Variants in GALNT13 observed in about 807,000 individuals in gnomAD.
GALNT13 encodes UDP-GalNAc:polypeptide N-acetylgalactosaminyltransferase 13.
Under a neutral mutation model 64.2 loss-of-function variants are expected in GALNT13, and 28 were observed. That is an observed-to-expected ratio of 0.44 (90% CI 0.32 to 0.60). GALNT13 has a LOEUF of 0.60. GALNT13 is among the 20% of genes least tolerant of loss of function. The pLI, the probability that GALNT13 is intolerant of heterozygous loss-of-function variation, is 0.05. For synonymous variants in GALNT13, 214 were observed against 224.6 expected, an observed-to-expected ratio of 0.95 and a Z score of 0.42; for missense variants, 577 against 669.8, an observed-to-expected ratio of 0.86 and a Z score of 1.53.
At chr2:153,808,926 C>T in the GALNT13 span, among the ~76,000 whole-genome samples, 1 of 152,226 alleles carries the variant, frequency 6.6e-6, no homozygotes, top group Admixed American at 6.5e-5. Context: ...TCTGTGCATA[C>T]ACCTGAATAT....
At chr2:153,219,961 C>G in the GALNT13 span, among the ~76,000 whole-genome samples, 1 of 152,208 alleles carries the variant, frequency 6.6e-6, no homozygotes, top group Non-Finnish European at 1.5e-5. Flanking sequence ...TCTGTTCTAA[C>G]ACTAGTTTTA....
chr2:153,491,651 C>T, the GALNT13 span, among the ~76,000 whole-genome samples: 2 of 151,754 alleles, frequency 1.3e-5, no homozygotes, highest in African/African-American at 4.8e-5. Flanking sequence ...GACGGAGTCT[C>T]GCTCTATTGC....
chr2:154,207,294 C>T (rs1055188282), intron 4 of GALNT13, among the ~76,000 whole-genome samples: 1 of 152,194 alleles, frequency 6.6e-6, no homozygotes, highest in Non-Finnish European at 1.5e-5. Context: ...ATCTCCATAA[C>T]CTGCTCTTCT....
At chr2:153,183,933 T>A in the GALNT13 span, among the ~76,000 whole-genome samples, 2 of 152,152 alleles carry the variant, frequency 1.3e-5, no homozygotes, top group Admixed American at 1.3e-4. Context: ...CTTTTTGCTT[T>A]GGATTATCTC....
At chr2:153,386,318 C>T in the GALNT13 span, among the ~76,000 whole-genome samples, 1 of 151,928 alleles carries the variant, frequency 6.6e-6, no homozygotes, top group Non-Finnish European at 1.5e-5. Flanking sequence ...AAGGAATGAG[C>T]AATTTTGAGG....
chr2:153,190,521 C>T, the GALNT13 span, among the ~76,000 whole-genome samples: 1 of 151,900 alleles, frequency 6.6e-6, no homozygotes, highest in Non-Finnish European at 1.5e-5. Flanking sequence ...AGTATGATGC[C>T]TCTAGTTTTG....
chr2:153,351,402 C>T, the GALNT13 span, among the ~76,000 whole-genome samples: 1 of 152,120 alleles, frequency 6.6e-6, no homozygotes, highest in Admixed American at 6.6e-5. Context: ...CATAGCCTCT[C>T]CCAGATAAAC....
the GALNT13 span, among the ~76,000 whole-genome samples, chr2:153,483,478 G>A: frequency 6.5e-5 from 9 of 138,498 alleles, no homozygotes; most frequent in Admixed American, 2.4e-4. Context: ...GTGCAATGGC[G>A]CAATCTCAGC....
At chr2:153,459,296 A>G in the GALNT13 span, among the ~76,000 whole-genome samples, 10 of 152,146 alleles carry the variant, frequency 6.6e-5, no homozygotes, top group Admixed American at 2.6e-4. Context: ...ACTGTATTAG[A>G]AAATAAAAGG....
rs1701833301 is a variant in GALNT13, at chr2:154,450,473, A to C, written c.1593A>C (p.Lys531Asn). ...QCLDEPSEED[K>N]MVPTMQDCSG... Reference sequence around the variant, plus strand: ...TCGATGAACCTTCTGAAGAAGACAAAATGGTGCCTACAATGCAGGACTGTA... The same window carrying C: ...TCGATGAACCTTCTGAAGAAGACAACATGGTGCCTACAATGCAGGACTGTA... Residue 531 changes from lysine (K) to asparagine (N), a missense_variant, in exon 13 of 13, where the codon AAA becomes AAC. This residue lies in a region of GALNT13 where 232 missense variants were observed against 270.6 expected (regional missense o/e 0.86). Transcript: ENST00000392825. The C allele has an allele frequency of 6.2e-6, 10 of 1,612,778 alleles. No individual in the cohort carries two copies. Among genetic ancestry groups the C allele is most frequent in the Non-Finnish European group, 8.5e-6 (10 of 1,179,236 alleles).
the GALNT13 span, among the ~76,000 whole-genome samples, chr2:153,489,728 A>C: frequency 6.6e-6 from 1 of 152,230 alleles, no homozygotes; most frequent in Non-Finnish European, 1.5e-5. Context: ...AGGTAAGATC[A>C]GGTGTATACG....
chr2:153,123,411 TG>T, the GALNT13 span, among the ~76,000 whole-genome samples: 2 of 152,136 alleles, frequency 1.3e-5, no homozygotes, highest in Non-Finnish European at 2.9e-5. Context: ...CCAGAGTTGA[TG>T]GTTTACTAAC....
At chr2:153,704,545 TTTC>T in the GALNT13 span, among the ~76,000 whole-genome samples, 3 of 152,336 alleles carry the variant, frequency 2.0e-5, no homozygotes, top group East Asian at 5.8e-4. Context: ...AGTGAAAATC[TTTC>T]TTCTTAAAGC....
chr2:153,436,877 G>A, the GALNT13 span, among the ~76,000 whole-genome samples: 1 of 152,070 alleles, frequency 6.6e-6, no homozygotes, highest in African/African-American at 2.4e-5. Context: ...GGTTTTGAAT[G>A]TGTTTGCTCT....
intron 9 of GALNT13, among the ~76,000 whole-genome samples, chr2:154,370,469 T>A (rs1382674599): frequency 2.0e-5 from 3 of 152,040 alleles, no homozygotes; most frequent in African/African-American, 7.2e-5. Context: ...ATGGCATAAG[T>A]GAAATGGGCT....
chr2:153,631,440 G>T, the GALNT13 span, among the ~76,000 whole-genome samples: 1 of 152,164 alleles, frequency 6.6e-6, no homozygotes, highest in African/African-American at 2.4e-5. Flanking sequence ...GTGTAAAGGT[G>T]TTCCTATTTC....
the GALNT13 span, among the ~76,000 whole-genome samples, chr2:153,378,136 A>C: frequency 2.6e-5 from 4 of 152,152 alleles, no homozygotes; most frequent in African/African-American, 9.7e-5. Context: ...TGGAGTAATT[A>C]AGTGATATGC....
At chr2:153,405,233 G>A in the GALNT13 span, among the ~76,000 whole-genome samples, 1 of 152,194 alleles carries the variant, frequency 6.6e-6, no homozygotes, top group Non-Finnish European at 1.5e-5. Context: ...TCTAAATAAG[G>A]AGTCTGAACC....
chr2:153,606,065 G>A, the GALNT13 span, among the ~76,000 whole-genome samples: 1 of 152,028 alleles, frequency 6.6e-6, no homozygotes, highest in Non-Finnish European at 1.5e-5. Context: ...TCTACCTATA[G>A]CAGGCAATGA....
Sources: gnomAD v4.1 joint callset for allele counts (sites outside exome capture counted in the v4.1 genomes callset) on GRCh38, gnomAD v4.1.1 for gene constraint, gnomAD v4.1.1 regional missense constraint, MANE v1.5 for transcripts, NCBI Gene and HGNC (gene_info 2026-07-23, HGNC 2026-07-21) for gene names.